NBAS: variants seen among roughly 807,000 people sequenced by gnomAD.
NBAS encodes NBAS subunit of NRZ tethering complex.
A neutral mutation model predicts 302.5 loss-of-function variants in NBAS; 219 were observed. The ratio of observed to expected loss-of-function variants is 0.72; its 90% CI spans 0.65 to 0.81. The LOEUF (loss-of-function observed/expected upper bound fraction) is 0.81. Ranked by LOEUF, NBAS falls within the 30% of genes least tolerant of loss-of-function variation. NBAS has a pLI of 0.00. For synonymous variants in NBAS, 1,118 were observed against 1,021.6 expected, an observed-to-expected ratio of 1.09 and a Z score of -1.80; for missense variants, 2,932 against 2,841.6, an observed-to-expected ratio of 1.03 and a Z score of -0.72.
At chr2:15,044,039 T>G in the NBAS span, among the ~76,000 whole-genome samples, 2 of 152,234 alleles carry the variant, frequency 1.3e-5, no homozygotes, top group South Asian at 4.1e-4. Context: ...AATGAATGAA[T>G]CAATGAATGA....
intron 21 of NBAS, among the ~76,000 whole-genome samples, chr2:15,429,807 G>A (rs1161491574): frequency 6.6e-6 from 1 of 152,166 alleles, no homozygotes; most frequent in Non-Finnish European, 1.5e-5. Flanking sequence ...TCATACAAAT[G>A]ATGATTTAGA....
At chr2:15,453,787 C>CT (rs201822394) in intron 21 of NBAS, among the ~76,000 whole-genome samples, 6,189 of 148,642 alleles carry the variant, frequency 0.042, 140 homozygotes, top group East Asian at 0.064. Context: ...TTTCTTTTTT[C>CT]TTTTTTTTTT....
chr2:15,155,268 G>A, the NBAS span, among the ~76,000 whole-genome samples: 1 of 152,120 alleles, frequency 6.6e-6, no homozygotes, highest in African/African-American at 2.4e-5. Flanking sequence ...GCCCCTAACA[G>A]CTTGAGCAGC....
the NBAS span, among the ~76,000 whole-genome samples, chr2:14,817,038 G>T: frequency 6.6e-6 from 1 of 152,204 alleles, no homozygotes; most frequent in East Asian, 1.9e-4. Context: ...TCCCTGAGGA[G>T]AGAAGAGAGG....
At chr2:15,541,068 A>G (rs754956885) in intron 6 of NBAS, among the ~76,000 whole-genome samples, 40 of 152,080 alleles carry the variant, frequency 2.6e-4, no homozygotes, top group Non-Finnish European at 5.4e-4. Flanking sequence ...TAGACTGTTC[A>G]TCTCCAATCT....
intron 35 of NBAS, among the ~76,000 whole-genome samples, chr2:15,334,412 T>C (rs1672485960): frequency 6.6e-6 from 1 of 151,964 alleles, no homozygotes; most frequent in Admixed American, 6.6e-5. Context: ...ATGGTCTTGA[T>C]CTCCTGACCT....
chr2:15,455,183 G>A (rs13429329), intron 21 of NBAS, among the ~76,000 whole-genome samples: 3,907 of 152,136 alleles, frequency 0.026, 177 homozygotes, highest in African/African-American at 0.089. Flanking sequence ...GATTACAGGC[G>A]TGAGCCACCG....
At chr2:14,801,209 T>A in the NBAS span, among the ~76,000 whole-genome samples, 3 of 152,194 alleles carry the variant, frequency 2.0e-5, no homozygotes, top group African/African-American at 7.2e-5. Flanking sequence ...TTGGGGAGGA[T>A]GATTGGTTTG....
At chr2:14,880,397 G>A in the NBAS span, among the ~76,000 whole-genome samples, 11 of 151,834 alleles carry the variant, frequency 7.2e-5, no homozygotes, top group Non-Finnish European at 1.5e-4. Flanking sequence ...GGAAAACTAT[G>A]ACACAACATA....
chr2:15,539,365 A>G lies in NBAS; in HGVS notation c.380-9T>C. ...TTTCGGGTCTTTCGGAACTAGAACA[A>G]AAGAAAACAAGAGGTGCTTCTAACA... On this transcript the variant is annotated splice_polypyrimidine_tract_variant and intron_variant, in intron 6 of 51. Transcript: ENST00000281513. The G allele has an allele frequency of 2.5e-6, 4 of 1,614,218 alleles. No individual in the cohort carries two copies. Among genetic ancestry groups the G allele is most frequent in the Non-Finnish European group, 3.4e-6 (4 of 1,180,010 alleles).
intron 12 of NBAS, among the ~76,000 whole-genome samples, chr2:15,486,960 G>A (rs539407197): frequency 3.3e-5 from 5 of 151,528 alleles, no homozygotes; most frequent in East Asian, 1.9e-4. Flanking sequence ...AAACAAAAGC[G>A]CATACTAATC....
At chr2:15,355,916 A>G (rs1035881371) in intron 33 of NBAS, among the ~76,000 whole-genome samples, 4 of 152,260 alleles carry the variant, frequency 2.6e-5, no homozygotes, top group Admixed American at 2.0e-4. Context: ...GAAATAATAC[A>G]CTATCTTTAA....
At chr2:15,558,407 T>A (rs951770406) in intron 2 of NBAS, among the ~76,000 whole-genome samples, 173 bp downstream of exon 2, 7 of 152,158 alleles carry the variant, frequency 4.6e-5, no homozygotes, top group African/African-American at 1.7e-4. Context: ...AAAACGTGCA[T>A]GCGTAAATAT....
At chr2:15,427,254 C>T (rs1269369205) in intron 22 of NBAS, among the ~76,000 whole-genome samples, 1 of 152,026 alleles carries the variant, frequency 6.6e-6, no homozygotes, top group Admixed American at 6.6e-5. Flanking sequence ...GGCATAAAGG[C>T]ATTCCAATAT....
chr2:15,530,416 C>T (rs1254400379), intron 9 of NBAS, among the ~76,000 whole-genome samples: 1 of 151,394 alleles, frequency 6.6e-6, no homozygotes, highest in Non-Finnish European at 1.5e-5. Context: ...AGATGCAGCA[C>T]AAAAGAATTA....
At chr2:15,025,061 T>C in the NBAS span, among the ~76,000 whole-genome samples, 6 of 152,180 alleles carry the variant, frequency 3.9e-5, no homozygotes, top group East Asian at 1.2e-3. Flanking sequence ...AAAATGGTAT[T>C]TCCTAGGTTA....
the NBAS span, among the ~76,000 whole-genome samples, chr2:15,122,322 C>T: frequency 6.6e-6 from 1 of 152,136 alleles, no homozygotes; most frequent in Non-Finnish European, 1.5e-5. Flanking sequence ...CTAGTGAGCC[C>T]TCAGGGAACT....
At chr2:14,800,276 C>G in the NBAS span, among the ~76,000 whole-genome samples, 4 of 152,120 alleles carry the variant, frequency 2.6e-5, no homozygotes, top group South Asian at 2.1e-4. Flanking sequence ...TGGGGGCAGG[C>G]CTTTCTGTGC....
chr2:14,795,542 T>G, the NBAS span, among the ~76,000 whole-genome samples: 1 of 151,418 alleles, frequency 6.6e-6, no homozygotes, highest in Admixed American at 6.6e-5. Context: ...TTTTAGCCTA[T>G]GCTTTGACTT....
Sources: gnomAD v4.1 joint callset for allele counts (sites outside exome capture counted in the v4.1 genomes callset) on GRCh38, gnomAD v4.1.1 for gene constraint, MANE v1.5 for transcripts, NCBI Gene and HGNC (gene_info 2026-07-23, HGNC 2026-07-21) for gene names.